CEP152: variants seen among roughly 807,000 people sequenced by gnomAD.
CEP152 encodes centrosomal protein 152.
Under a neutral mutation model 188.9 loss-of-function variants are expected in CEP152, and 132 were observed. The ratio of observed to expected loss-of-function variants is 0.70; its 90% CI spans 0.61 to 0.81. CEP152 has a LOEUF of 0.81. CEP152 is among the 30% of genes least tolerant of loss of function. The pLI, the probability that CEP152 is intolerant of heterozygous loss-of-function variation, is 0.00. For missense variants in CEP152, 1,914 were observed against 1,969.8 expected, an observed-to-expected ratio of 0.97 and a Z score of 0.54; for synonymous variants, 649 against 666.6, an observed-to-expected ratio of 0.97 and a Z score of 0.41.
At position 48,741,626 on chromosome 15, in the gene CEP152, C is replaced by G. The variant is rs746733686; in HGVS notation, c.4068G>C (p.Lys1356Asn). The change falls in exon 26 of 27, where the codon AAG (lysine) becomes AAC (asparagine). Residue 1356 changes from lysine (K) to asparagine (N), a missense_variant. Coordinates refer to ENST00000380950, the MANE Select transcript of CEP152 (RefSeq NM_001194998.2). ...AKLLETPISS[K>N]SQSKTTQSAL... ...CTGACTGTGTAGTTTTGCTTTGGGA[C>G]TTACTAGAAATAGGTGTTTCCAGTA... 1.9e-6 allele frequency: 3 copies of G among 1,614,114 alleles called. No homozygotes were observed. In the Admixed American group the frequency reaches 5.0e-5, roughly 27 times the overall value.
chr15:48,762,501 A>G lies in CEP152; in HGVS notation c.2452T>C (p.Cys818Arg). Residue 818 changes from cysteine to arginine, a missense_variant, in exon 18 of 27, where the codon TGC becomes CGC. Transcript: ENST00000380950. ...TGTTCTAAGTTTTGCTGGATTGTGCACTTCTGCTCTTCTATCATAATTGCC... is the reference window on the plus strand; with the variant it reads ...TGTTCTAAGTTTTGCTGGATTGTGCGCTTCTGCTCTTCTATCATAATTGCC... Reference protein sequence around the residue: ...EMAIMIEEQKCTIQQNLEQEK... With the variant: ...EMAIMIEEQKRTIQQNLEQEK... 1 of 1,614,052 alleles carries G rather than the reference A, an allele frequency of 6.2e-7. No homozygotes were observed. The highest frequency in any genetic ancestry group is 1.1e-5 in the South Asian group (1 of 91,080).
At chr15:48,796,682 G>A (rs1003084222) in intron 5 of CEP152, among the ~76,000 whole-genome samples, 8 of 152,072 alleles carry the variant, frequency 5.3e-5, no homozygotes, top group Non-Finnish European at 8.8e-5. Flanking sequence ...CTGTCATTGC[G>A]TGACACAGAC....
chr15:48,791,909 T>C (rs1335226795), intron 7 of CEP152, among the ~76,000 whole-genome samples: 1 of 152,144 alleles, frequency 6.6e-6, no homozygotes, highest in Non-Finnish European at 1.5e-5. Flanking sequence ...CTACTTCCTT[T>C]AAAACTATTA....
intron 1 of CEP152, among the ~76,000 whole-genome samples, chr15:48,806,552 G>T (rs1036034932): frequency 6.6e-6 from 1 of 152,180 alleles, no homozygotes; most frequent in African/African-American, 2.4e-5. Flanking sequence ...CCAATGAAAC[G>T]CACTTGGATG....
chr15:48,800,639 T>C (rs1897613050), intron 2 of CEP152, among the ~76,000 whole-genome samples: 2 of 152,300 alleles, frequency 1.3e-5, no homozygotes, highest in African/African-American at 4.8e-5. Flanking sequence ...GTGATAAGAT[T>C]TAATACCACT....
At chr15:48,792,780 G>A (rs1783309884) in intron 7 of CEP152, among the ~76,000 whole-genome samples, 1 of 150,858 alleles carries the variant, frequency 6.6e-6, no homozygotes, top group South Asian at 2.1e-4. Flanking sequence ...AAAAGCCTAA[G>A]TGAGAAAAGG....
At chr15:48,788,326 C>CTTTT (rs538514112) in intron 9 of CEP152, among the ~76,000 whole-genome samples, 16 of 97,054 alleles carry the variant, frequency 1.6e-4, no homozygotes, top group African/African-American at 2.3e-4. Context: ...TCACTGGCTT[C>CTTTT]TTTTTTTTTT....
At chr15:48,740,897 A>T in intron 26 of CEP152, 1 of 336,542 alleles carries the variant, frequency 3.0e-6, no homozygotes, top group Non-Finnish European at 4.2e-6. Flanking sequence ...AGAGAGGATT[A>T]ACCCCACCTG....
At chr15:48,780,772 G>A (rs1030779306) in intron 12 of CEP152, among the ~76,000 whole-genome samples, 2 of 152,146 alleles carry the variant, frequency 1.3e-5, no homozygotes, top group Non-Finnish European at 2.9e-5. Context: ...CTGTGGGAAG[G>A]ACAGTTCCTA....
chr15:48,806,580 T>C (rs1898000088), intron 1 of CEP152, among the ~76,000 whole-genome samples: 1 of 152,212 alleles, frequency 6.6e-6, no homozygotes. Flanking sequence ...GAGCCACAAC[T>C]CATTCACTAC....
chr15:48,744,800 T>C (rs1893283751), intron 23 of CEP152, 96 bp downstream of exon 23: 2 of 1,134,184 alleles, frequency 1.8e-6, no homozygotes, highest in Admixed American at 5.5e-5. Flanking sequence ...TTTATACTTT[T>C]TGCTGTATAA....
Position 48,756,133 on chromosome 15 carries a change from T to C in CEP152, c.3115A>G (p.Ile1039Val), listed in dbSNP as rs1346818716. 1 of 1,614,162 alleles carries C rather than the reference T, an allele frequency of 6.2e-7. No homozygotes were observed. The highest frequency in any genetic ancestry group is 8.5e-7 in the Non-Finnish European group (1 of 1,179,994). ...AGGATGTCTTCCTCATACTGATAGATTTCCAGTTGGATCCGCTTGGCTTCC... is the reference window on the plus strand; with the variant it reads ...AGGATGTCTTCCTCATACTGATAGACTTCCAGTTGGATCCGCTTGGCTTCC... ...MQEAKRIQLE[I>V]YQYEEDILTV... The change falls in exon 20 of 27, where the codon ATC (isoleucine) becomes GTC (valine). Residue 1039 changes from isoleucine (I) to valine (V), a missense_variant. By Grantham distance (29) the Ile-to-Val change is conservative (BLOSUM62 3). Transcript: ENST00000380950.
At chr15:48,748,200 C>T (rs1347156755) in intron 22 of CEP152, among the ~76,000 whole-genome samples, 2 of 152,098 alleles carry the variant, frequency 1.3e-5, no homozygotes, top group African/African-American at 4.8e-5. Flanking sequence ...TTGACGTATA[C>T]TGGGCCCTCA....
At chr15:48,732,773 T>C (rs1892468894) in intron 2 of CEP152, among the ~76,000 whole-genome samples, 1 of 152,036 alleles carries the variant, frequency 6.6e-6, no homozygotes, top group African/African-American at 2.4e-5. Flanking sequence ...TTAAAACACA[T>C]TTGTAATAGC....
chr15:48,781,699 C>T (rs1415118740), intron 11 of CEP152, among the ~76,000 whole-genome samples: 1 of 152,096 alleles, frequency 6.6e-6, no homozygotes, highest in Non-Finnish European at 1.5e-5. Context: ...GCTGGTTTGC[C>T]AAGAACAGGT....
chr15:48,763,203 T>C (rs1056659470), intron 17 of CEP152, among the ~76,000 whole-genome samples: 1 of 152,258 alleles, frequency 6.6e-6, no homozygotes. Context: ...AACATCTTAA[T>C]GATTTTTCCA....
rs1895282908 is a variant in CEP152, at chr15:48,768,413, C to A, written c.1909-85G>T. On this transcript the variant is annotated intron_variant, in intron 14 of 26. Coordinates refer to ENST00000380950, the MANE Select transcript of CEP152 (RefSeq NM_001194998.2). ...ATTTTGTCTTATTTTTTAATATTTT[C>A]TATGCTTTCTCTCTCCCCTATAACA... The A allele has an allele frequency of 1.6e-5, 12 of 765,810 alleles. No homozygotes were observed. The South Asian group carries it at 1.9e-4, about 12-fold the overall frequency. The allele number at this position is 765,810 out of a possible 1,614,324, so 47.4% of individuals were successfully genotyped here.
intron 10 of CEP152, chr15:48,783,045 C>A (rs1015215509): frequency 6.6e-6 from 1 of 152,142 alleles, no homozygotes; most frequent in East Asian, 1.9e-4. Flanking sequence ...CCCACCCTTT[C>A]ACATATTGTA....
intron 19 of CEP152, among the ~76,000 whole-genome samples, chr15:48,758,502 T>C (rs1894435030): frequency 1.3e-5 from 2 of 152,112 alleles, no homozygotes; most frequent in Non-Finnish European, 2.9e-5. Flanking sequence ...CAAGATCATC[T>C]GAGATCAGGA....
Sources: allele counts gnomAD v4.1 joint callset (sites outside exome capture counted in the v4.1 genomes callset), GRCh38; gene constraint gnomAD v4.1.1; transcripts MANE v1.5; gene names NCBI Gene and HGNC (gene_info 2026-07-23, HGNC 2026-07-21).